LCT: variants seen among roughly 807,000 people sequenced by gnomAD.
LCT encodes the protein lactase, also known as lactase/phlorizin hydrolase.
Under a neutral mutation model 173.0 loss-of-function variants are expected in LCT, and 90 were observed. That is an observed-to-expected ratio of 0.52 (90% CI 0.44 to 0.62). The LOEUF (loss-of-function observed/expected upper bound fraction) is 0.62. LCT is among the 20% of genes least tolerant of loss of function. The probability of loss-of-function intolerance (pLI) is 0.00; values close to 1 mark genes in which losing one functional copy is unlikely to be tolerated. For synonymous variants in LCT, 853 were observed against 957.6 expected (o/e 0.89, Z 2.02); for missense variants, 1,864 against 2,431.4 (o/e 0.77, Z 4.91).
In LCT at chr2:135,808,544, G is replaced by C. The variant is rs756326011; in HGVS notation, c.3803C>G (p.Pro1268Arg). The C allele has an allele frequency of 6.2e-7, 1 of 1,614,188 alleles. No individual in the cohort carries two copies. The highest frequency in any genetic ancestry group is 8.5e-7 in the Non-Finnish European group (1 of 1,180,026). ...CACTCCGTTTTCGGTGATGTAAATG[G>C]GGATGTCACCATACTCTTCCTTGAT... ...NWIKEEYGDI[P>R]IYITENGVGL... Residue 1268 changes from proline to arginine, a missense_variant, in exon 8 of 17, where the codon CCC becomes CGC. Pro to Arg is a moderately radical substitution (Grantham distance 103). Transcript: ENST00000264162.
intron 12 of LCT, among the ~76,000 whole-genome samples, chr2:135,799,075 T>C (rs909238695): frequency 3.3e-5 from 5 of 152,226 alleles, no homozygotes; most frequent in African/African-American, 4.8e-5. Context: ...TCACCAGTTC[T>C]GTGAGTCTGA....
At chr2:135,834,161 A>G (rs2077963365) in intron 1 of LCT, among the ~76,000 whole-genome samples, 1 of 152,068 alleles carries the variant, frequency 6.6e-6, no homozygotes, top group Admixed American at 6.6e-5. Flanking sequence ...GCTATTGTGA[A>G]TAAGGCAGCT....
chr2:135,812,599 G>A lies in LCT; in HGVS notation c.2065C>T (p.Arg689Cys), dbSNP rs1017501359. The change falls in exon 7 of 17, where the codon CGC becomes TGC. Residue 689 changes from arginine (R) to cysteine (C), a missense_variant. Physicochemically the swap from Arg to Cys is radical, Grantham distance 180. Around this residue, in one of 4 missense-constraint regions of LCT, gnomAD observed 755 missense variants for 926.3 expected, o/e 0.82. Coordinates refer to ENST00000264162, the MANE Select transcript of LCT (RefSeq NM_002299.4). ...DFLGLSHYTSRLISNAPQNTC... is the reference protein window; with the variant it reads ...DFLGLSHYTSCLISNAPQNTC... ...TTTTGTGGGGCGTTGCTGATGAGGC[G>A]GGAGGTGTAATGCGACAGACCCAGA... is the stretch of plus-strand genomic sequence containing the variant. 5.6e-6 allele frequency: 9 copies of A among 1,612,414 alleles called. No homozygotes were observed. The highest frequency in any genetic ancestry group is 1.3e-5 in the African/African-American group (1 of 74,886).
At chr2:135,820,534 T>C (rs1171676807) in intron 5 of LCT, 1 of 152,212 alleles carries the variant, frequency 6.6e-6, no homozygotes, top group Non-Finnish European at 1.5e-5. Context: ...GATGGAACAA[T>C]AGAAGGAGGA....
At position 135,808,864 on chromosome 2, in the gene LCT, G is replaced by A. The variant is rs143927262; in HGVS notation, c.3483C>T (p.Asn1161=). Residue 1161 remains asparagine, a synonymous_variant, in exon 8 of 17, where the codon AAC becomes AAT. Coordinates refer to ENST00000264162, the MANE Select transcript of LCT (RefSeq NM_002299.4). ...ACTTCATGGTGTCAGGATAGTCTCC[G>A]TTTCTAAAAATGGGGTGAGCAAACC... ...LGWFAHPIFR[N]GDYPDTMKWK... The A allele has an allele frequency of 1.4e-4, 226 of 1,614,198 alleles. 1 individual carries two copies. In the East Asian group the frequency reaches 4.5e-3, roughly 32 times the overall value.
rs142379473 is a variant in LCT at position 135,819,102 on chromosome 2, C to G, written c.987-1041G>C. Among the ~76,000 whole-genome samples, 9 of 152,306 alleles carry G rather than the reference C, an allele frequency of 5.9e-5. No homozygotes were observed. In the East Asian group the frequency reaches 1.7e-3, roughly 29 times the overall value. On this transcript the variant is annotated intron_variant, in intron 5 of 16. Transcript: ENST00000264162. The stretch of plus-strand genomic sequence containing the variant: ...ATTATGAGTAACTTCTCCTTGCACA[C>G]AGCTTGCAGGTGGTGGAGCAGATTC...
At chr2:135,816,924 A>G (rs1335768609) in intron 6 of LCT, among the ~76,000 whole-genome samples, 2 of 151,528 alleles carry the variant, frequency 1.3e-5, no homozygotes, top group Admixed American at 1.3e-4. Flanking sequence ...GCTGGAGTGC[A>G]GTGGCAAAAT....
At chr2:135,828,587 G>A (rs1422216815) in intron 3 of LCT, among the ~76,000 whole-genome samples, 4 of 152,176 alleles carry the variant, frequency 2.6e-5, no homozygotes, top group Middle Eastern at 3.2e-3. Flanking sequence ...GCCAGCACTC[G>A]GAAGGTGCAG....
rs756336967 is a variant in LCT at position 135,809,618 on chromosome 2, C to A, written c.2729G>T (p.Gly910Val). 3 of 1,614,220 alleles carry A rather than the reference C, an allele frequency of 1.9e-6. No homozygotes were observed. In the South Asian group the frequency reaches 3.3e-5, roughly 18 times the overall value. Residue 910 changes from glycine (G) to valine (V), a missense_variant, in exon 8 of 17, where the codon GGC becomes GTC. Coordinates refer to ENST00000264162, the MANE Select transcript of LCT (RefSeq NM_002299.4). The surrounding 1 kb of genome is among the most constrained non-coding windows in gnomAD (Gnocchi z 5.5). ...AATCTGATAAGCGGAAGAGGACACG[C>A]CCCACAGAAAGTCATCCCGAAACGT... is the stretch of plus-strand genomic sequence containing the variant. The part of the protein sequence containing the change: ...HGTFRDDFLW[G>V]VSSSAYQIEG...
chr2:135,828,453 C>T (rs143009658), intron 3 of LCT, among the ~76,000 whole-genome samples: 2 of 152,298 alleles, frequency 1.3e-5, no homozygotes, highest in Admixed American at 6.5e-5. Flanking sequence ...AGGCTGAAAG[C>T]AGCGGGGAGT....
rs754985745 is a variant in LCT, at chr2:135,836,524, A to T, written c.640+6T>A. 1 of 1,613,164 alleles carries T rather than the reference A, an allele frequency of 6.2e-7. No individual in the cohort carries two copies. The highest frequency in any genetic ancestry group is 8.5e-7 in the Non-Finnish European group (1 of 1,179,392). On this transcript the variant is annotated splice_donor_region_variant and intron_variant, in intron 1 of 16. Transcript: ENST00000264162. Reference sequence around the variant, plus strand: ...AGGGGTCACCATCAGGTCAATGTGTACTCACCCTGAAAAGCATAGCTTTCG... The same window carrying T: ...AGGGGTCACCATCAGGTCAATGTGTTCTCACCCTGAAAAGCATAGCTTTCG...
intron 8 of LCT, among the ~76,000 whole-genome samples, 185 bp downstream of exon 8, chr2:135,808,258 C>T (rs533642068): frequency 6.6e-6 from 1 of 152,248 alleles, no homozygotes; most frequent in South Asian, 2.1e-4. Flanking sequence ...GCAGAGACAA[C>T]CATAGCCTTT....
At chr2:135,836,453 A>G in intron 1 of LCT, 77 bp downstream of exon 1, 4 of 1,325,054 alleles carry the variant, frequency 3.0e-6, no homozygotes, top group Non-Finnish European at 4.4e-6. Context: ...AGAAATGTCG[A>G]ATCTGCTCTA....
At chr2:135,793,677 A>T (rs1242999977) in intron 14 of LCT, among the ~76,000 whole-genome samples, 1 of 152,244 alleles carries the variant, frequency 6.6e-6, no homozygotes, top group African/African-American at 2.4e-5. Flanking sequence ...AAACTACTCA[A>T]GGAGGTACTA....
chr2:135,797,165 C>G (rs1287415054), intron 13 of LCT, among the ~76,000 whole-genome samples: 1 of 152,134 alleles, frequency 6.6e-6, no homozygotes, highest in Non-Finnish European at 1.5e-5. Flanking sequence ...CCAGCCTGGT[C>G]TTGAACTCAT....
intron 3 of LCT, among the ~76,000 whole-genome samples, chr2:135,827,442 A>C (rs1270101359): frequency 6.6e-6 from 1 of 152,176 alleles, no homozygotes; most frequent in East Asian, 1.9e-4. Context: ...GCAAGCACTA[A>C]AATAGCTGTT....
At chr2:135,826,434 C>T (rs1382934931) in intron 3 of LCT, among the ~76,000 whole-genome samples, 2 of 148,746 alleles carry the variant, frequency 1.3e-5, no homozygotes, top group South Asian at 2.1e-4. Flanking sequence ...GGCATGGTGG[C>T]GGGCACCTGT....
intron 11 of LCT, among the ~76,000 whole-genome samples, chr2:135,802,464 G>A (rs968465540): frequency 2.6e-5 from 4 of 152,170 alleles, no homozygotes; most frequent in African/African-American, 9.6e-5. Context: ...ATCAACCTAA[G>A]TGTCCATCAA....
Position 135,788,364 on chromosome 2 carries a change from TGTG to T in LCT, c.5741_5743del (p.Thr1914_Gln1915delinsLys). ...CGGGCTCAATTCCTGTTGGCTTCGTTGTGTTTTCCCTTGCTTAGAGCGCTTGCA... is the reference window on the plus strand; with the variant it reads ...CGGGCTCAATTCCTGTTGGCTTCGTTTTTTCCCTTGCTTAGAGCGCTTGCA... On this transcript the variant is annotated inframe_deletion, in exon 17 of 17. Coordinates refer to ENST00000264162, the MANE Select transcript of LCT (RefSeq NM_002299.4). 4 of 1,614,142 alleles carry T rather than the reference TGTG, an allele frequency of 2.5e-6. No individual in the cohort carries two copies. The highest frequency in any genetic ancestry group is 3.4e-6 in the Non-Finnish European group (4 of 1,180,014).
Sources: allele counts gnomAD v4.1 joint callset (sites outside exome capture counted in the v4.1 genomes callset), GRCh38; gene constraint gnomAD v4.1.1; regional missense constraint gnomAD v4.1.1; non-coding constraint Gnocchi (gnomAD v3.1); transcripts MANE v1.5; gene names NCBI Gene and HGNC (gene_info 2026-07-23, HGNC 2026-07-21).